Variants in SPEG observed in about 807,000 individuals in gnomAD.
SPEG encodes striated muscle enriched protein kinase, also known as striated muscle preferentially expressed protein kinase.
In SPEG, 114 loss-of-function variants were observed where a neutral mutation model predicts 300.4. The ratio of observed to expected loss-of-function variants is 0.38; its 90% CI spans 0.33 to 0.44. SPEG has a LOEUF of 0.44. Among genes scored for constraint, SPEG ranks in the 20% least tolerant of loss-of-function variants. SPEG has a pLI of 1.00. For synonymous variants in SPEG, 1,964 were observed against 2,018.9 expected (o/e 0.97, Z 0.73); for missense variants, 4,201 against 4,586.2 (o/e 0.92, Z 2.43).
Position 219,489,440 on chromosome 2 carries a change from G to A in SPEG, c.8422G>A (p.Ala2808Thr). 2 of 1,608,590 alleles carry A rather than the reference G, an allele frequency of 1.2e-6. No homozygotes were observed. The highest frequency in any genetic ancestry group is 1.7e-6 in the Non-Finnish European group (2 of 1,178,242). ...TCCTACCTCACTGGCCCCACCCCTA[G>A]CTCCTGCTGCCCCCACACCCCCGTC... ...DSPTSLAPPL[A>T]PAAPTPPSVT... The change falls in exon 36 of 41, where the codon GCT becomes ACT. Residue 2808 changes from alanine to threonine, a missense_variant. Around this residue, in one of 4 missense-constraint regions of SPEG, gnomAD observed 1,578 missense variants for 1,506.0 expected, o/e 1.05. Transcript: ENST00000312358.
intron 1 of SPEG, chr2:219,441,592 G>A (rs1688919154): frequency 2.1e-6 from 1 of 470,814 alleles, no homozygotes. Flanking sequence ...CCCGCGGGAG[G>A]AGGTGAGGGT....
rs549498781 is a variant in SPEG, at chr2:219,489,225, A to C, written c.8317+4A>C. Reference sequence around the variant, plus strand: ...GTCTTTGTCAGGGGTACTCAAGGTCAGTGCAATGGTATGGGGTGGGAGGAG... The same window carrying C: ...GTCTTTGTCAGGGGTACTCAAGGTCCGTGCAATGGTATGGGGTGGGAGGAG... On this transcript the variant is annotated splice_donor_region_variant and intron_variant, in intron 35 of 40. Coordinates refer to ENST00000312358, the MANE Select transcript of SPEG (RefSeq NM_005876.5). The C allele has an allele frequency of 1.9e-6, 3 of 1,613,766 alleles. No individual in the cohort carries two copies. The African/African-American group carries it at 4.0e-5, about 22-fold the overall frequency.
At position 219,489,412 on chromosome 2, in the gene SPEG, C is replaced by T. The variant is rs375627068; in HGVS notation, c.8394C>T (p.Asp2798=). 1 of 1,613,354 alleles carries T rather than the reference C, an allele frequency of 6.2e-7. No individual in the cohort carries two copies. Among genetic ancestry groups the T allele is most frequent in the African/African-American group, 1.3e-5 (1 of 74,854 alleles). ...GGCCAGCCAGGGCCCGGCCTCCTGA[C>T]TCTCCTACCTCACTGGCCCCACCCC... ...TSRPARARPP[D]SPTSLAPPLA... The change falls in exon 36 of 41, where the codon GAC becomes GAT. Residue 2798 remains aspartate (D), a synonymous_variant. Transcript: ENST00000312358.
Position 219,458,765 on chromosome 2 carries a change from A to G in SPEG, c.2441-3117A>G, listed in dbSNP as rs986294105. Reference sequence around the variant, plus strand: ...GTCCCTAAGCTTTCATGTGCCTAAGAGTCATCTGGGGTGCTTTTTAAAATG... The same window carrying G: ...GTCCCTAAGCTTTCATGTGCCTAAGGGTCATCTGGGGTGCTTTTTAAAATG... On this transcript the variant is annotated intron_variant, in intron 6 of 40. Coordinates refer to ENST00000312358, the MANE Select transcript of SPEG (RefSeq NM_005876.5). The surrounding 1 kb of genome is among the most constrained non-coding windows in gnomAD (Gnocchi z 4.2). 2.0e-5 allele frequency among the ~76,000 whole-genome samples: 3 copies of G among 152,210 alleles called. No individual in the cohort carries two copies. The highest frequency in any genetic ancestry group is 4.4e-5 in the Non-Finnish European group (3 of 68,044).
At position 219,481,373 on chromosome 2, in the gene SPEG, C is replaced by T. The variant is rs1559414834; in HGVS notation, c.5439C>T (p.Asn1813=). 2.5e-6 allele frequency: 4 copies of T among 1,614,156 alleles called. No individual in the cohort carries two copies. The highest frequency in any genetic ancestry group is 3.4e-6 in the Non-Finnish European group (4 of 1,180,020). ...CATTGATGAACATCCGAAACTACAA[C>T]GTGGCCTTCGAGGAGACCACATTCC... ...RTTLMNIRNY[N]VAFEETTFLS... The change falls in exon 27 of 41, where the codon AAC becomes AAT. Residue 1813 remains asparagine (N), a synonymous_variant. Coordinates refer to ENST00000312358, the MANE Select transcript of SPEG (RefSeq NM_005876.5). This position sits in a 1 kb window ranked among gnomAD's most constrained non-coding sequence, Gnocchi z 5.4.
chr2:219,446,028 A>AT (rs1433907772), intron 3 of SPEG, among the ~76,000 whole-genome samples: 1 of 105,832 alleles, frequency 9.4e-6, no homozygotes, highest in Non-Finnish European at 2.0e-5. Flanking sequence ...TGGGGAGCTG[A>AT]GGGGGGCCTG....
chr2:219,448,961 C>G lies in SPEG; in HGVS notation c.1803C>G (p.Ser601Arg), dbSNP rs965146888. Residue 601 changes from serine to arginine, a missense_variant, in exon 4 of 41, where the codon AGC becomes AGG. Physicochemically the swap from Ser to Arg is moderately radical, Grantham distance 110. Coordinates refer to ENST00000312358, the MANE Select transcript of SPEG (RefSeq NM_005876.5). ...RRRDQFPLTRSRAIQECRSPV... is the reference protein window; with the variant it reads ...RRRDQFPLTRRRAIQECRSPV... ...GGGACCAATTCCCGCTGACCCGGAG[C>G]AGAGCCATCCAGGAGTGCAGGAGCC... is the stretch of plus-strand genomic sequence containing the variant. The G allele has an allele frequency of 6.6e-7, 1 of 1,509,900 alleles. No homozygotes were observed. The highest frequency in any genetic ancestry group is 8.8e-7 in the Non-Finnish European group (1 of 1,132,782). The allele number at this position is 1,509,900 out of a possible 1,614,324, so 93.5% of individuals were successfully genotyped here.
chr2:219,479,574 T>A lies in SPEG; in HGVS notation c.5086-209T>A, dbSNP rs1692641431. Among the ~76,000 whole-genome samples, 1 of 152,170 alleles carries A rather than the reference T, an allele frequency of 6.6e-6. No homozygotes were observed. The highest frequency in any genetic ancestry group is 2.1e-4 in the South Asian group (1 of 4,826). On this transcript the variant is annotated intron_variant, in intron 23 of 40. Transcript: ENST00000312358. This position sits in a 1 kb window ranked among gnomAD's most constrained non-coding sequence, Gnocchi z 5.5. ...TTGTGCACTGCACAATTCTACTTAT[T>A]ACCACGCAATGGCTCCTCCCTATAA...
rs746514078 is a variant in SPEG at position 219,490,902 on chromosome 2, A to G, written c.9331A>G (p.Asn3111Asp). 1.2e-6 allele frequency: 2 copies of G among 1,613,712 alleles called. No homozygotes were observed. The highest frequency in any genetic ancestry group is 1.1e-5 in the South Asian group (1 of 91,062). Reference protein sequence around the residue: ...IVDFGSAQPYNPQALRPLGHR... With the variant: ...IVDFGSAQPYDPQALRPLGHR... ...GGACTTTGGCAGTGCCCAGCCCTAC[A>G]ACCCCCAGGCCCTTAGGCCCCTTGG... The change falls in exon 38 of 41, where the codon AAC becomes GAC. Residue 3111 changes from asparagine to aspartate, a missense_variant. Physicochemically the swap from Asn to Asp is conservative, Grantham distance 23 (BLOSUM62 1). Transcript: ENST00000312358.
intron 3 of SPEG, among the ~76,000 whole-genome samples, chr2:219,447,358 T>A (rs1319070600): frequency 6.6e-6 from 1 of 152,288 alleles, no homozygotes; most frequent in African/African-American, 2.4e-5. Context: ...ACCTGCTGTG[T>A]CCCATCAGTG....
chr2:219,435,110 T>C lies in SPEG; in HGVS notation c.133T>C (p.Phe45Leu). ...TGTGGCCGTGGCCGGGGCGCCAGTC[T>C]TCCTGCGGCCCCTGAAGAACGCGGC... ...APVAVAGAPV[F>L]LRPLKNAAVC... is the part of the protein sequence containing the mutation. The change falls in exon 1 of 41, where the codon TTC becomes CTC. Residue 45 changes from phenylalanine (F) to leucine (L), a missense_variant. This residue lies in a region of SPEG where 1,258 missense variants were observed against 1,293.9 expected (regional missense o/e 0.97). Coordinates refer to ENST00000312358, the MANE Select transcript of SPEG (RefSeq NM_005876.5). 6.9e-7 allele frequency: 1 copy of C among 1,455,678 alleles called. No homozygotes were observed. The allele number at this position is 1,455,678 out of a possible 1,614,324, so 90.2% of individuals were successfully genotyped here.
intron 14 of SPEG, 24 bp from the exon 15 acceptor site, chr2:219,472,203 A>G: frequency 6.2e-7 from 1 of 1,610,340 alleles, no homozygotes; most frequent in Non-Finnish European, 8.5e-7. Context: ...TGGACCCAGC[A>G]GACATTCGAA....
chr2:219,435,641 G>T (rs895005122), intron 1 of SPEG, among the ~76,000 whole-genome samples: 1 of 152,222 alleles, frequency 6.6e-6, no homozygotes, highest in African/African-American at 2.4e-5. Flanking sequence ...ACCTCTCAGG[G>T]AATTCTGGGG....
rs1409391417 is a variant in SPEG, at chr2:219,458,251, T to G, written c.2441-3631T>G. Among the ~76,000 whole-genome samples, 2 of 152,132 alleles carry G rather than the reference T, an allele frequency of 1.3e-5. No homozygotes were observed. Among genetic ancestry groups the G allele is most frequent in the Non-Finnish European group, 2.9e-5 (2 of 68,044 alleles). On this transcript the variant is annotated intron_variant, in intron 6 of 40. Coordinates refer to ENST00000312358, the MANE Select transcript of SPEG (RefSeq NM_005876.5). This position sits in a 1 kb window ranked among gnomAD's most constrained non-coding sequence, Gnocchi z 4.2. ...CGTGGGTGACACACAGAGGTGAGGC[T>G]AGGCATGACACCCAGCCACAAGGGT...
chr2:219,490,726 C>G lies in SPEG; in HGVS notation c.9162-7C>G, dbSNP rs1290823394. The stretch of plus-strand genomic sequence containing the variant: ...GGGTATCATCTGCTCCATCCCTGCC[C>G]TCCCAGGTTCCGGTATTCTGAGGAT... On this transcript the variant is annotated splice_polypyrimidine_tract_variant and splice_region_variant and intron_variant, in intron 37 of 40. Coordinates refer to ENST00000312358, the MANE Select transcript of SPEG (RefSeq NM_005876.5). The G allele has an allele frequency of 1.2e-6, 2 of 1,613,806 alleles. No homozygotes were observed. Among genetic ancestry groups the G allele is most frequent in the African/African-American group, 2.7e-5 (2 of 74,934 alleles).
chr2:219,472,842 G>A, intron 15 of SPEG, 48 bp from the exon 16 acceptor site: 1 of 1,494,640 alleles, frequency 6.7e-7, no homozygotes, highest in Non-Finnish European at 9.1e-7. Flanking sequence ...GATGGGGAGG[G>A]GTTACTGCTC....
intron 4 of SPEG, among the ~76,000 whole-genome samples, chr2:219,450,504 C>T (rs1559372581): frequency 1.3e-5 from 2 of 152,202 alleles, no homozygotes; most frequent in Non-Finnish European, 2.9e-5. Flanking sequence ...GTATGAGCTT[C>T]CTGTAAGCAG....
At chr2:219,440,505 C>A (rs1954831924) in intron 1 of SPEG, among the ~76,000 whole-genome samples, 1 of 152,080 alleles carries the variant, frequency 6.6e-6, no homozygotes, top group African/African-American at 2.4e-5. Context: ...ATTGCTCCAG[C>A]CCAAACATTG....
At position 219,444,644 on chromosome 2, in the gene SPEG, C is replaced by T; in HGVS notation, c.389-9C>T. ...AGGGCCCTGCCCACACAGACCCCTT[C>T]TTCTCCAGACTCAGAGACGGCTGAG... On this transcript the variant is annotated splice_polypyrimidine_tract_variant and intron_variant, in intron 1 of 40. Coordinates refer to ENST00000312358, the MANE Select transcript of SPEG (RefSeq NM_005876.5). This position sits in a 1 kb window ranked among gnomAD's most constrained non-coding sequence, Gnocchi z 7.8. The T allele has an allele frequency of 6.2e-7, 1 of 1,613,464 alleles. No individual in the cohort carries two copies. The highest frequency in any genetic ancestry group is 8.5e-7 in the Non-Finnish European group (1 of 1,179,468).
Sources: allele counts gnomAD v4.1 joint callset (sites outside exome capture counted in the v4.1 genomes callset), GRCh38; gene constraint gnomAD v4.1.1; regional missense constraint gnomAD v4.1.1; non-coding constraint Gnocchi (gnomAD v3.1); transcripts MANE v1.5; gene names NCBI Gene and HGNC (gene_info 2026-07-23, HGNC 2026-07-21).